The following OR6N1 variants were observed in gnomAD, a reference collection of about 807,000 sequenced individuals.
OR6N1 encodes olfactory receptor family 6 subfamily N member 1.
For missense variants in OR6N1, 394 were observed against 371.7 expected (o/e 1.06, Z -0.49); for synonymous variants, 170 against 150.7 (o/e 1.13, Z -0.94).
At chr1:158,777,889 A>T in the OR6N1 span, among the ~76,000 whole-genome samples, 1 of 152,192 alleles carries the variant, frequency 6.6e-6, no homozygotes, top group African/African-American at 2.4e-5. Flanking sequence ...TGAGATAAGC[A>T]CCATTGTTCT....
At chr1:158,780,970 A>G in the OR6N1 span, among the ~76,000 whole-genome samples, 10 of 152,242 alleles carry the variant, frequency 6.6e-5, no homozygotes, top group Admixed American at 5.9e-4. Flanking sequence ...GGTGGACAAG[A>G]TGACCTTTAA....
Position 158,766,527 on chromosome 1 carries a change from G to A in OR6N1, c.156C>T (p.Asp52=), listed in dbSNP as rs1657276801. The change falls in exon 2 of 2, where the codon GAC becomes GAT. Residue 52 remains aspartate (D), a synonymous_variant. Transcript: ENST00000641846. The part of the protein sequence containing the change: ...NLLIFLVVCL[D]SRLHTPMYHF... ...GGTACATGGGTGTGTGAAGCCGGGAGTCCAGGCAGACCACCAGGAATATCA... is the reference window on the plus strand; with the variant it reads ...GGTACATGGGTGTGTGAAGCCGGGAATCCAGGCAGACCACCAGGAATATCA... 1 of 1,614,072 alleles carries A rather than the reference G, an allele frequency of 6.2e-7. No individual in the cohort carries two copies. The highest frequency in any genetic ancestry group is 8.5e-7 in the Non-Finnish European group (1 of 1,179,994).
At chr1:158,810,669 G>A in the OR6N1 span, among the ~76,000 whole-genome samples, 227 of 152,212 alleles carry the variant, frequency 1.5e-3, 1 homozygote, top group Middle Eastern at 3.4e-3. Flanking sequence ...AATCCAACTC[G>A]TATATCCTTG....
At chr1:158,814,457 G>A in the OR6N1 span, among the ~76,000 whole-genome samples, 5 of 152,180 alleles carry the variant, frequency 3.3e-5, no homozygotes, top group Non-Finnish European at 7.3e-5. Flanking sequence ...TTGAGCTGCT[G>A]TAACAAACTA....
chr1:158,828,242 C>T, the OR6N1 span, among the ~76,000 whole-genome samples: 3 of 152,214 alleles, frequency 2.0e-5, no homozygotes, highest in South Asian at 4.2e-4. Flanking sequence ...CCCAACAGTC[C>T]CCCAAAGTCA....
At chr1:158,825,311 C>T in the OR6N1 span, among the ~76,000 whole-genome samples, 56 of 151,840 alleles carry the variant, frequency 3.7e-4, no homozygotes, top group Non-Finnish European at 6.2e-4. Context: ...TGGTGGTGGG[C>T]GCCTGTAGTC....
chr1:158,810,126 A>G, the OR6N1 span, among the ~76,000 whole-genome samples: 12 of 152,158 alleles, frequency 7.9e-5, no homozygotes, highest in African/African-American at 2.9e-4. Flanking sequence ...TAAGACTCTT[A>G]CAACACAGAT....
the OR6N1 span, among the ~76,000 whole-genome samples, chr1:158,789,645 T>TC: frequency 6.6e-6 from 1 of 152,228 alleles, no homozygotes; most frequent in Non-Finnish European, 1.5e-5. Context: ...TTTTGAGAAA[T>TC]ATCCATTCAG....
rs1246682092 is a variant in OR6N1, at chr1:158,766,048, A to C, written c.635T>G (p.Leu212Arg). 3 of 1,614,106 alleles carry C rather than the reference A, an allele frequency of 1.9e-6. No individual in the cohort carries two copies. In the African/African-American group the frequency reaches 4.0e-5, roughly 22 times the overall value. ...INSCKILATFLLILCSYVQII... is the reference protein window; with the variant it reads ...INSCKILATFRLILCSYVQII... ...CTGCACATAGGAGCAGAGGATCAGC[A>C]GGAAGGTGGCTAGGATCTTGCAGGA... Residue 212 changes from leucine (L) to arginine (R), a missense_variant, in exon 2 of 2, where the codon CTG (leucine) becomes CGG (arginine). By Grantham distance (102) the Leu-to-Arg change is moderately radical (BLOSUM62 -2). Coordinates refer to ENST00000641846, the MANE Select transcript of OR6N1 (RefSeq NM_001005185.2).
the OR6N1 span, among the ~76,000 whole-genome samples, chr1:158,832,643 A>G: frequency 2.0e-5 from 3 of 151,600 alleles, no homozygotes; most frequent in Non-Finnish European, 4.4e-5. Flanking sequence ...CAAGTTGCAT[A>G]CTTTACCATT....
At chr1:158,784,638 C>T in the OR6N1 span, among the ~76,000 whole-genome samples, 1 of 152,098 alleles carries the variant, frequency 6.6e-6, no homozygotes, top group East Asian at 1.9e-4. Flanking sequence ...AGATCAGTTT[C>T]TTTAGATTTC....
At chr1:158,788,081 T>C in the OR6N1 span, among the ~76,000 whole-genome samples, 7 of 152,298 alleles carry the variant, frequency 4.6e-5, no homozygotes, top group East Asian at 1.3e-3. Context: ...GGAGATAAGC[T>C]ATAACTGAAA....
chr1:158,811,140 T>A, the OR6N1 span, among the ~76,000 whole-genome samples: 2 of 152,180 alleles, frequency 1.3e-5, no homozygotes, highest in Non-Finnish European at 2.9e-5. Flanking sequence ...CAGTATTTGG[T>A]TTTCTTTTCC....
the OR6N1 span, among the ~76,000 whole-genome samples, chr1:158,837,403 G>A: frequency 2.6e-5 from 4 of 151,794 alleles, no homozygotes; most frequent in South Asian, 6.2e-4. Flanking sequence ...GTGCATGTAT[G>A]TTTCTAATTG....
At chr1:158,821,066 C>G in the OR6N1 span, among the ~76,000 whole-genome samples, 3 of 152,212 alleles carry the variant, frequency 2.0e-5, no homozygotes, top group Non-Finnish European at 4.4e-5. Context: ...AACAGGGCTG[C>G]TTACAAGCTC....
the OR6N1 span, among the ~76,000 whole-genome samples, chr1:158,815,981 C>G: frequency 1.5e-4 from 23 of 151,960 alleles, no homozygotes; most frequent in African/African-American, 5.3e-4. Flanking sequence ...TGGTGAAACT[C>G]CAGCTCTACT....
upstream of OR6N1, among the ~76,000 whole-genome samples, chr1:158,773,796 A>G (rs1657485035): frequency 6.6e-6 from 1 of 152,062 alleles, no homozygotes; most frequent in Non-Finnish European, 1.5e-5. Context: ...AAGGCTACCA[A>G]AATAATTTAT....
intron 1 of OR6N1, among the ~76,000 whole-genome samples, chr1:158,769,585 A>G (rs1657364844): frequency 6.6e-6 from 1 of 152,230 alleles, no homozygotes; most frequent in Non-Finnish European, 1.5e-5. Context: ...TATGAAAGAC[A>G]CCGAGTCTTC....
At position 158,766,024 on chromosome 1, in the gene OR6N1, T is replaced by C. The variant is rs756905246; in HGVS notation, c.659A>G (p.Gln220Arg). 1 of 1,614,218 alleles carries C rather than the reference T, an allele frequency of 6.2e-7. No individual in the cohort carries two copies. Among genetic ancestry groups the C allele is most frequent in the Non-Finnish European group, 8.5e-7 (1 of 1,180,040 alleles). The change falls in exon 2 of 2, where the codon CAG becomes CGG. Residue 220 changes from glutamine (Q) to arginine (R), a missense_variant. By Grantham distance (43) the Gln-to-Arg change is conservative. Transcript: ENST00000641846. ...TFLLILCSYV[Q>R]IICTVLRIPS... is the part of the protein sequence containing the mutation. ...AATTCTGAGCACTGTGCAGATGATC[T>C]GCACATAGGAGCAGAGGATCAGCAG...
Sources: allele counts gnomAD v4.1 joint callset (sites outside exome capture counted in the v4.1 genomes callset), GRCh38; gene constraint gnomAD v4.1.1; transcripts MANE v1.5; gene names NCBI Gene and HGNC (gene_info 2026-07-23, HGNC 2026-07-21).